CELSR3: variants seen among roughly 807,000 people sequenced by gnomAD.
The protein encoded by CELSR3 is cadherin EGF LAG seven-pass G-type receptor 3, also known as EGF-like protein 1.
A neutral mutation model predicts 270.0 loss-of-function variants in CELSR3; 73 were observed. The observed-to-expected ratio is 0.27, with a 90% confidence interval of 0.22 to 0.33. The LOEUF (loss-of-function observed/expected upper bound fraction) is 0.33. CELSR3 is among the 10% of genes least tolerant of loss of function. The probability of loss-of-function intolerance (pLI) is 1.00; values close to 1 mark genes in which losing one functional copy is unlikely to be tolerated. For missense variants in CELSR3, 3,614 were observed against 4,533.8 expected (o/e 0.80, Z 5.83); for synonymous variants, 1,780 against 1,905.4 (o/e 0.93, Z 1.71).
Position 48,640,534 on chromosome 3 carries a change from G to T in CELSR3, c.9051C>A (p.Tyr3017Ter). Residue 3017 changes from tyrosine to a stop codon, truncating the protein, a stop_gained, in exon 34 of 35, where the codon TAC (tyrosine) becomes TAA (stop). Coordinates refer to ENST00000164024, the MANE Select transcript of CELSR3 (RefSeq NM_001407.3). LOFTEE classifies it high-confidence loss of function. The surrounding 1 kb of genome is among the most constrained non-coding windows in gnomAD (Gnocchi z 7.5). Reference protein sequence around the residue: ...RKGILKNRLQYPLVPQTRGAP... With the variant: ...RKGILKNRLQ Reference sequence around the variant, plus strand: ...CACCTCGGGTCTGTGGCACCAGTGGGTATTGCAACCGGTTCTTCAGGATGC... The same window carrying T: ...CACCTCGGGTCTGTGGCACCAGTGGTTATTGCAACCGGTTCTTCAGGATGC... 1 of 1,596,590 alleles carries T rather than the reference G, an allele frequency of 6.3e-7. No individual in the cohort carries two copies. The highest frequency in any genetic ancestry group is 8.6e-7 in the Non-Finnish European group (1 of 1,169,292).
Position 48,646,849 on chromosome 3 carries a change from A to AGGCTCT in CELSR3, c.7203_7208dup (p.Glu2402_Pro2403dup). Reference sequence around the variant, plus strand: ...CGAGGAGAATGATAATGGAGATCCCAGGCTCTGGCTCTGGCGGGGCTGGTG... The same window carrying AGGCTCT: ...CGAGGAGAATGATAATGGAGATCCCAGGCTCTGGCTCTGGCTCTGGCGGGGCTGGTG... On this transcript the variant is annotated inframe_insertion, in exon 21 of 35. Transcript: ENST00000164024. The surrounding 1 kb of genome is among the most constrained non-coding windows in gnomAD (Gnocchi z 4.8). The AGGCTCT allele has an allele frequency of 6.2e-7, 1 of 1,600,648 alleles. No individual in the cohort carries two copies. The highest frequency in any genetic ancestry group is 1.1e-5 in the South Asian group (1 of 89,668).
At chr3:48,648,603 G>A in intron 18 of CELSR3, 116 bp downstream of exon 18, 1 of 1,393,468 alleles carries the variant, frequency 7.2e-7, no homozygotes, top group Non-Finnish European at 9.7e-7. Context: ...AGGACAGAGG[G>A]AGAGCCCAGG....
At chr3:48,648,238 G>GGCCCCCCCCACCC in intron 19 of CELSR3, 28 bp downstream of exon 19, 14 of 1,342,566 alleles carry the variant, frequency 1.0e-5, no homozygotes, top group African/African-American at 1.4e-5. Context: ...CCCCTGCTGT[G>GGCCCCCCCCACCC]CCCCGCCCTA....
At position 48,654,052 on chromosome 3, in the gene CELSR3, A is replaced by G; in HGVS notation, c.5153-49T>C. 1 of 1,600,378 alleles carries G rather than the reference A, an allele frequency of 6.2e-7. No individual in the cohort carries two copies. Among genetic ancestry groups the G allele is most frequent in the Non-Finnish European group, 8.5e-7 (1 of 1,170,734 alleles). On this transcript the variant is annotated intron_variant, in intron 7 of 34. Transcript: ENST00000164024. This position sits in a 1 kb window ranked among gnomAD's most constrained non-coding sequence, Gnocchi z 5.4. ...GACATGAGAACAAGGGTTGGGGGGC[A>G]CAAGTGCTGGACAGGACTTTAGTGT...
At position 48,637,281 on chromosome 3, in the gene CELSR3, C is replaced by T. The variant is rs2046979786; in HGVS notation, c.*924G>A. 1 of 152,586 alleles carries T rather than the reference C, an allele frequency of 6.6e-6. No homozygotes were observed. The highest frequency in any genetic ancestry group is 1.5e-5 in the Non-Finnish European group (1 of 68,034). 9.5% of individuals were successfully genotyped at this position (152,586 alleles called of 1,614,324 possible). A position where few individuals can be genotyped will look rare whatever the true frequency, so the allele number is the denominator to read the frequency against. On this transcript the variant is annotated 3_prime_UTR_variant, in exon 35 of 35. Transcript: ENST00000164024. ...CCTGTAAACATAGGAGGCAGTGGCA[C>T]CTACATTCTGGGTCTTGAATTCCCT...
chr3:48,656,016 G>A, intron 3 of CELSR3, 124 bp downstream of exon 3: 2 of 1,204,214 alleles, frequency 1.7e-6, no homozygotes, highest in African/African-American at 1.5e-5. Context: ...AGGAGACCCC[G>A]GGCGGGGCGT....
At position 48,654,369 on chromosome 3, in the gene CELSR3, A is replaced by T; in HGVS notation, c.5072T>A (p.Ile1691Asn). 2 of 1,613,884 alleles carry T rather than the reference A, an allele frequency of 1.2e-6. No individual in the cohort carries two copies. The highest frequency in any genetic ancestry group is 2.2e-5 in the South Asian group (2 of 91,074). Residue 1691 changes from isoleucine (I) to asparagine (N), a missense_variant, in exon 7 of 35, where the codon ATC becomes AAC. Physicochemically the swap from Ile to Asn is moderately radical, Grantham distance 149. This residue lies in a region of CELSR3 where 1,331 missense variants were observed against 1,933.7 expected (regional missense o/e 0.69). Transcript: ENST00000164024. The surrounding 1 kb of genome is among the most constrained non-coding windows in gnomAD (Gnocchi z 5.4). ...AATGTGCAGGTCCCGCATACAGCCG[A>T]TGAAGTCCTTATGGGATACGGGGAA... ...ENFPVSHKDF[I>N]GCMRDLHIDG...
Position 48,646,022 on chromosome 3 carries a change from G to A in CELSR3, c.7463+68C>T. On this transcript the variant is annotated intron_variant, in intron 22 of 34. Coordinates refer to ENST00000164024, the MANE Select transcript of CELSR3 (RefSeq NM_001407.3). This position sits in a 1 kb window ranked among gnomAD's most constrained non-coding sequence, Gnocchi z 4.8. ...AGCACTAGTGGGGGCCCCAGGGGAA[G>A]GCTGGGACTATTAGTTGGCCTCCCA... The A allele has an allele frequency of 1.3e-6, 2 of 1,593,744 alleles. No homozygotes were observed. Among genetic ancestry groups the A allele is most frequent in the Non-Finnish European group, 8.6e-7 (1 of 1,166,974 alleles).
chr3:48,648,821 T>G lies in CELSR3; in HGVS notation c.6675A>C (p.Gln2225His). The change falls in exon 18 of 35, where the codon CAA becomes CAC. Residue 2225 changes from glutamine (Q) to histidine (H), a missense_variant. Transcript: ENST00000164024. ...VTGHTDHYFS[Q>H]DVRVTARLLA... ...GCAGGCGGGCAGTGACTCGAACATC[T>G]TGGCTAAAATAGTGGTCAGTGTGGC... 1 of 1,612,976 alleles carries G rather than the reference T, an allele frequency of 6.2e-7. No homozygotes were observed. Among genetic ancestry groups the G allele is most frequent in the Non-Finnish European group, 8.5e-7 (1 of 1,180,008 alleles).
In CELSR3 at chr3:48,662,354, C is replaced by T. The variant is rs150560404; in HGVS notation, c.281G>A (p.Ser94Asn). ...AGGGGGCCCTCGACTATTCCGGGCG[C>T]TTTGCCTTCTCCCTCGGAGCCCCAC... is the stretch of plus-strand genomic sequence containing the variant. ...IFVGLRGRRQ[S>N]ARNSRGPPEQ... The change falls in exon 1 of 35, where the codon AGC becomes AAC. Residue 94 changes from serine to asparagine, a missense_variant. By Grantham distance (46) the Ser-to-Asn change is conservative. Transcript: ENST00000164024. This position sits in a 1 kb window ranked among gnomAD's most constrained non-coding sequence, Gnocchi z 7.1. The T allele has an allele frequency of 8.1e-6, 13 of 1,612,960 alleles. No homozygotes were observed. The highest frequency in any genetic ancestry group is 5.3e-5 in the African/African-American group (4 of 74,934).
At position 48,649,169 on chromosome 3, in the gene CELSR3, G is replaced by A. The variant is rs202010571; in HGVS notation, c.6519C>T (p.Pro2173=). 20 of 1,612,220 alleles carry A rather than the reference G, an allele frequency of 1.2e-5. No individual in the cohort carries two copies. The East Asian group carries it at 1.3e-4, about 11-fold the overall frequency. ...LCDEAQGWLE[P]DLFNCTSPAF... ...CAGGGGAGGTACAGTTGAAGAGGTC[G>A]GGCTCCAGCCAACCCTGGGCCTCAT... The change falls in exon 17 of 35, where the codon CCC becomes CCT. Residue 2173 remains proline, a synonymous_variant. Transcript: ENST00000164024.
chr3:48,654,251 A>G lies in CELSR3; in HGVS notation c.5152+38T>C, dbSNP rs1379058415. 3 of 1,612,548 alleles carry G rather than the reference A, an allele frequency of 1.9e-6. No individual in the cohort carries two copies. Among genetic ancestry groups the G allele is most frequent in the South Asian group, 2.2e-5 (2 of 90,862 alleles). On this transcript the variant is annotated intron_variant, in intron 7 of 34. Transcript: ENST00000164024. The surrounding 1 kb of genome is among the most constrained non-coding windows in gnomAD (Gnocchi z 5.4). ...TCCACTTCCTCCCTATGATGGGGACAGGGCCATGGGCTAGGCTGGTGGAAG... is the reference window on the plus strand; with the variant it reads ...TCCACTTCCTCCCTATGATGGGGACGGGGCCATGGGCTAGGCTGGTGGAAG...
Position 48,651,991 on chromosome 3 carries a change from G to T in CELSR3, c.5809C>A (p.Arg1937=), listed in dbSNP as rs901590445. 3.1e-5 allele frequency: 49 copies of T among 1,590,670 alleles called. No individual in the cohort carries two copies. The highest frequency in any genetic ancestry group is 4.1e-5 in the Non-Finnish European group (48 of 1,171,182). ...ACACAGCCAGGCTCCGCATTCACTC[G>T]GTGGCTGGGGGGTAGCAGGGCCGGG... ...GSPALLPPSH[R]VNAEPGCVVT... Residue 1937 remains arginine (R), a synonymous_variant, in exon 12 of 35, where the codon CGA becomes AGA. Coordinates refer to ENST00000164024, the MANE Select transcript of CELSR3 (RefSeq NM_001407.3). The surrounding 1 kb of genome is among the most constrained non-coding windows in gnomAD (Gnocchi z 7.4).
In CELSR3 at chr3:48,639,862, T is replaced by C. The variant is rs771916490; in HGVS notation, c.9723A>G (p.Glu3241=). The change falls in exon 34 of 35, where the codon GAA becomes GAG. Residue 3241 remains glutamate, a synonymous_variant. Coordinates refer to ENST00000164024, the MANE Select transcript of CELSR3 (RefSeq NM_001407.3). The surrounding 1 kb of genome is among the most constrained non-coding windows in gnomAD (Gnocchi z 4.1). ...VSGPSHGPST[E]QLDILSSILA... ...GGATGGAGGAAAGAATGTCCAACTG[T>C]TCTGTGGAGGGGCCATGGCTGGGGC... The C allele has an allele frequency of 1.2e-6, 2 of 1,613,660 alleles. No individual in the cohort carries two copies.
In CELSR3 at chr3:48,646,500, C is replaced by A. The variant is rs756714122; in HGVS notation, c.7296-243G>T. Among the ~76,000 whole-genome samples, 22 of 152,318 alleles carry A rather than the reference C, an allele frequency of 1.4e-4. No homozygotes were observed. The Middle Eastern group carries it at 0.01, about 71-fold the overall frequency. On this transcript the variant is annotated intron_variant, in intron 21 of 34. Transcript: ENST00000164024. This position sits in a 1 kb window ranked among gnomAD's most constrained non-coding sequence, Gnocchi z 4.8. ...CTCCTACCCCCATCAGTCAGCCTGT[C>A]CTTGTCTGTCTCTGTCAGCCCTTTG...
At position 48,641,968 on chromosome 3, in the gene CELSR3, C is replaced by G. The variant is rs535700877; in HGVS notation, c.8707G>C (p.Glu2903Gln). The G allele has an allele frequency of 1.3e-6, 2 of 1,587,334 alleles. No individual in the cohort carries two copies. Among genetic ancestry groups the G allele is most frequent in the South Asian group, 2.3e-5 (2 of 87,256 alleles). Reference sequence around the variant, plus strand: ...GAAGATGGAATGGAGAGACTCCTCTCCTCCTCCAAGGACAGGTCACTGTCA... The same window carrying G: ...GAAGATGGAATGGAGAGACTCCTCTGCTCCTCCAAGGACAGGTCACTGTCA... ...DSDSDLSLEE[E>Q]RSLSIPSSES... is the part of the protein sequence containing the mutation. The change falls in exon 32 of 35, where the codon GAG becomes CAG. Residue 2903 changes from glutamate to glutamine, a missense_variant. Glu to Gln is a conservative substitution (Grantham distance 29). Coordinates refer to ENST00000164024, the MANE Select transcript of CELSR3 (RefSeq NM_001407.3). The surrounding 1 kb of genome is among the most constrained non-coding windows in gnomAD (Gnocchi z 4.8).
rs2077064643 is a variant in CELSR3 at position 48,661,311 on chromosome 3, G to A, written c.1324C>T (p.Leu442Phe). ...VFEQAQYRET[L>F]RENVEEGYPI... Reference sequence around the variant, plus strand: ...TAGCCCTCCTCCACATTCTCGCGAAGGGTCTCCCGGTACTGCGCTTGCTCA... The same window carrying A: ...TAGCCCTCCTCCACATTCTCGCGAAAGGTCTCCCGGTACTGCGCTTGCTCA... Residue 442 changes from leucine to phenylalanine, a missense_variant, in exon 1 of 35, where the codon CTT (leucine) becomes TTT (phenylalanine). Transcript: ENST00000164024. 1 of 1,613,414 alleles carries A rather than the reference G, an allele frequency of 6.2e-7. No homozygotes were observed. The highest frequency in any genetic ancestry group is 2.2e-5 in the East Asian group (1 of 44,880).
At chr3:48,649,707 C>T (rs956769035) in intron 16 of CELSR3, among the ~76,000 whole-genome samples, 7 of 152,164 alleles carry the variant, frequency 4.6e-5, no homozygotes, top group African/African-American at 1.4e-4. Flanking sequence ...TGTCATTTCT[C>T]TCCCTTGTCT....
chr3:48,657,216 C>A lies in CELSR3; in HGVS notation c.3881G>T (p.Arg1294Leu), dbSNP rs142770667. The change falls in exon 2 of 35, where the codon CGC (arginine) becomes CTC (leucine). Residue 1294 changes from arginine to leucine, a missense_variant. Transcript: ENST00000164024. The surrounding 1 kb of genome is among the most constrained non-coding windows in gnomAD (Gnocchi z 5.4). ...QERFLSPLLGRFLEGVAAVLA... is the reference protein window; with the variant it reads ...QERFLSPLLGLFLEGVAAVLA... ...CACCGCAGCCACGCCCTCGAGGAAG[C>A]GGCCCAGCAGCGGTGACAGGAAGCG... 55 of 1,613,596 alleles carry A rather than the reference C, an allele frequency of 3.4e-5. No homozygotes were observed. Among genetic ancestry groups the A allele is most frequent in the Non-Finnish European group, 3.1e-5 (36 of 1,179,904 alleles).
Sources: allele counts gnomAD v4.1 joint callset (sites outside exome capture counted in the v4.1 genomes callset), GRCh38; gene constraint gnomAD v4.1.1; regional missense constraint gnomAD v4.1.1; non-coding constraint Gnocchi (gnomAD v3.1); transcripts MANE v1.5; gene names NCBI Gene and HGNC (gene_info 2026-07-23, HGNC 2026-07-21).